RABGAP1: variants seen among roughly 807,000 people sequenced by gnomAD.
RABGAP1 encodes rab GTPase-activating protein 1.
In RABGAP1, 23 loss-of-function variants were observed where a neutral mutation model predicts 137.6. That is an observed-to-expected ratio of 0.17 (90% CI 0.12 to 0.24). The LOEUF is 0.24. RABGAP1 is among the 10% of genes least tolerant of loss of function. The pLI is 1.00. For missense variants in RABGAP1, 906 were observed against 1,275.8 expected (o/e 0.71, Z 4.42); for synonymous variants, 451 against 450.7 (o/e 1.00, Z -0.01).
At chr9:123,051,235 T>G (rs2033451457) in intron 13 of RABGAP1, among the ~76,000 whole-genome samples, 1 of 69,252 alleles carries the variant, frequency 1.4e-5, no homozygotes, top group Non-Finnish European at 3.0e-5. Flanking sequence ...TTTTTTTTTT[T>G]TTTTTTTTTT....
rs5900552 is a variant in RABGAP1, at chr9:123,035,639, C to CGTGTGTGT, written c.1794+15217_1794+15224dup. The CGTGTGTGT allele has an allele frequency of 1.9e-4, 137 of 733,354 alleles. No homozygotes were observed. The African/African-American group carries it at 2.0e-3, about 11-fold the overall frequency. 45.4% of individuals were successfully genotyped at this position (733,354 alleles called of 1,614,324 possible). ...TGAAGTGGCTCAGTTACGGGGTTCC[C>CGTGTGTGT]GTGTGTGTGTGTGTGTGTGTGTGTG... On this transcript the variant is annotated intron_variant, in intron 13 of 25. Transcript: ENST00000373647.
At chr9:123,039,497 A>G (rs2032847347) in intron 13 of RABGAP1, among the ~76,000 whole-genome samples, 1 of 152,168 alleles carries the variant, frequency 6.6e-6, no homozygotes, top group Non-Finnish European at 1.5e-5. Flanking sequence ...ATTATAGGGC[A>G]GTGATGTTTG....
At chr9:123,051,236 T>TTTG (rs2033452188) in intron 13 of RABGAP1, among the ~76,000 whole-genome samples, 1 of 70,266 alleles carries the variant, frequency 1.4e-5, no homozygotes, top group South Asian at 6.2e-4. Flanking sequence ...TTTTTTTTTT[T>TTTG]TTTTTTTTTT....
At chr9:123,057,334 G>A (rs1204878052) in intron 13 of RABGAP1, among the ~76,000 whole-genome samples, 3 of 150,726 alleles carry the variant, frequency 2.0e-5, no homozygotes, top group Admixed American at 2.0e-4. Context: ...TCACTTCTCA[G>A]ACGGGGCGGC....
Position 123,070,779 on chromosome 9 carries a change from C to T in RABGAP1, c.1983+355C>T, listed in dbSNP as rs111673605. Among the ~76,000 whole-genome samples, 4 of 152,074 alleles carry T rather than the reference C, an allele frequency of 2.6e-5. No homozygotes were observed. Among genetic ancestry groups the T allele is most frequent in the African/African-American group, 7.2e-5 (3 of 41,400 alleles). On this transcript the variant is annotated intron_variant, in intron 15 of 25. Coordinates refer to ENST00000373647, the MANE Select transcript of RABGAP1 (RefSeq NM_012197.4). This position sits in a 1 kb window ranked among gnomAD's most constrained non-coding sequence, Gnocchi z 4.4. ...TTTAGGTATTGGGGTAGGAGGAAGGCGGAAAAGTTGGTTTTCTTTTAGTAC... is the reference window on the plus strand; with the variant it reads ...TTTAGGTATTGGGGTAGGAGGAAGGTGGAAAAGTTGGTTTTCTTTTAGTAC...
intron 13 of RABGAP1, among the ~76,000 whole-genome samples, chr9:123,037,132 T>C (rs1410999559): frequency 1.1e-4 from 16 of 152,082 alleles, no homozygotes; most frequent in Admixed American, 1.0e-3. Flanking sequence ...AGATGGAAGA[T>C]GGAAGAAACC....
intron 1 of RABGAP1, among the ~76,000 whole-genome samples, chr9:122,950,377 C>CTTTTTTTTTTTTTTTTTTTTT (rs200424486): frequency 6.1e-3 from 453 of 74,426 alleles, no homozygotes; most frequent in Middle Eastern, 0.029. Flanking sequence ...CTTTTTCTTT[C>CTTTTTTTTTTTTTTTTTTTTT]TTTTTTTTTT....
chr9:122,978,927 A>C (rs1292057195), intron 2 of RABGAP1, among the ~76,000 whole-genome samples: 1 of 151,910 alleles, frequency 6.6e-6, no homozygotes, highest in East Asian at 1.9e-4. Context: ...TATTTTAAAC[A>C]GGGTCTTGCT....
At chr9:122,941,568 A>G (rs939872139) in intron 1 of RABGAP1, among the ~76,000 whole-genome samples, 6 of 152,148 alleles carry the variant, frequency 3.9e-5, no homozygotes, top group African/African-American at 1.4e-4. Context: ...CTGCGCCTAA[A>G]TTTCAAAGAC....
chr9:122,939,665 G>A (rs1564342376), upstream of RABGAP1: 1 of 152,168 alleles, frequency 6.6e-6, no homozygotes, highest in Non-Finnish European at 1.5e-5. Context: ...GCACCAAAAC[G>A]TTAAAAGTGG....
At chr9:122,978,102 T>C (rs1835857557) in intron 2 of RABGAP1, among the ~76,000 whole-genome samples, 1 of 151,824 alleles carries the variant, frequency 6.6e-6, no homozygotes, top group Non-Finnish European at 1.5e-5. Flanking sequence ...TAAAGTCTCA[T>C]GTAACGACCA....
At chr9:123,102,960 T>A in intron 25 of RABGAP1, 131 bp from the exon 26 acceptor site, 1 of 1,256,580 alleles carries the variant, frequency 8.0e-7, no homozygotes, top group Non-Finnish European at 1.1e-6. Flanking sequence ...TCTATGCCAG[T>A]TGGAGACTGG....
chr9:123,098,840 G>A (rs1454799139), intron 23 of RABGAP1, 42 bp downstream of exon 23: 2 of 1,507,338 alleles, frequency 1.3e-6, no homozygotes, highest in East Asian at 2.3e-5. Flanking sequence ...TAATCTGGGA[G>A]CCCCTAGTCT....
chr9:123,061,827 A>C (rs1169040853), intron 13 of RABGAP1: 1 of 152,236 alleles, frequency 6.6e-6, no homozygotes, highest in Non-Finnish European at 1.5e-5. Context: ...TACATTTATA[A>C]AAACTTGTCT....
intron 13 of RABGAP1, chr9:123,034,807 A>T: frequency 6.2e-7 from 1 of 1,613,904 alleles, no homozygotes; most frequent in Non-Finnish European, 8.5e-7. Context: ...TGTTGGGGTG[A>T]GCTGCGTGGT....
In RABGAP1 at chr9:122,996,141, G is replaced by A; in HGVS notation, c.1024G>A (p.Ala342Thr). The A allele has an allele frequency of 6.2e-7, 1 of 1,603,602 alleles. No individual in the cohort carries two copies. The highest frequency in any genetic ancestry group is 8.5e-7 in the Non-Finnish European group (1 of 1,177,486). The change falls in exon 7 of 26, where the codon GCC becomes ACC. Residue 342 changes from alanine to threonine, a missense_variant. Ala to Thr is a moderately conservative substitution (Grantham distance 58). Coordinates refer to ENST00000373647, the MANE Select transcript of RABGAP1 (RefSeq NM_012197.4). ...GCAGCAAACAACTAATAAAGAACTT[G>A]CCATTGAAAGGTAAGCATTTTTAGT... is the stretch of plus-strand genomic sequence containing the variant. ...YVQQTTNKEL[A>T]IERCFGLLLS...
At chr9:122,946,686 T>C (rs545139984) in intron 1 of RABGAP1, among the ~76,000 whole-genome samples, 6 of 152,306 alleles carry the variant, frequency 3.9e-5, no homozygotes, top group East Asian at 1.9e-4. Flanking sequence ...TTCACAGATA[T>C]TGTGTTGAAA....
intron 10 of RABGAP1, among the ~76,000 whole-genome samples, chr9:123,005,311 T>G (rs182290021): frequency 2.0e-5 from 3 of 151,750 alleles, no homozygotes; most frequent in Admixed American, 2.0e-4. Flanking sequence ...CTTTTTTTTT[T>G]GAATATATAA....
chr9:123,026,521 A>C (rs373883811), intron 13 of RABGAP1, among the ~76,000 whole-genome samples: 23 of 152,086 alleles, frequency 1.5e-4, no homozygotes, highest in East Asian at 1.3e-3. Flanking sequence ...TCATGGAATA[A>C]ATTTTTATAG....
Sources: allele counts gnomAD v4.1 joint callset (sites outside exome capture counted in the v4.1 genomes callset), GRCh38; gene constraint gnomAD v4.1.1; non-coding constraint Gnocchi (gnomAD v3.1); transcripts MANE v1.5; gene names NCBI Gene and HGNC (gene_info 2026-07-23, HGNC 2026-07-21).